Variants in MEI4 observed in about 807,000 individuals in gnomAD.
MEI4 encodes the protein meiotic double-stranded break formation protein 4.
MEI4 carries 27 observed loss-of-function variants against 31.4 expected under a neutral mutation model. The observed-to-expected ratio is 0.86, with a 90% CI of 0.63 to 1.19. The LOEUF is 1.19. Ranked by LOEUF, MEI4 falls within the 50% of genes most tolerant of loss-of-function variation. The pLI is 0.00. For missense variants in MEI4, 329 were observed against 398.9 expected, an observed-to-expected ratio of 0.82 and a Z score of 1.49; for synonymous variants, 122 against 145.4, an observed-to-expected ratio of 0.84 and a Z score of 1.16.
rs192588433 is a variant in MEI4, at chr6:77,888,167, T to G, written c.901-34922T>G. On this transcript the variant is annotated intron_variant, in intron 4 of 4. Transcript: ENST00000684080. Reference sequence around the variant, plus strand: ...ATGCATCTTTGAAAGGGAAGTGAACTTTTTGTATGCAGCCTATAGTTTGGT... The same window carrying G: ...ATGCATCTTTGAAAGGGAAGTGAACGTTTTGTATGCAGCCTATAGTTTGGT... 5.7e-3 allele frequency among the ~76,000 whole-genome samples: 862 copies of G among 152,296 alleles called. 9 individuals are homozygous for G. Among genetic ancestry groups the G allele is most frequent in the Non-Finnish European group, 0.01 (684 of 68,020 alleles).
intron 3 of MEI4, among the ~76,000 whole-genome samples, chr6:77,796,407 A>C (rs1769075782): frequency 6.6e-6 from 1 of 152,166 alleles, no homozygotes; most frequent in Non-Finnish European, 1.5e-5. Context: ...TCAAATTTGA[A>C]AGGAAGAAGT....
intron 1 of MEI4, among the ~76,000 whole-genome samples, chr6:77,690,142 C>G (rs9443441): frequency 2.0e-5 from 3 of 151,766 alleles, no homozygotes; most frequent in Admixed American, 6.6e-5. Context: ...TGGTTAGAGG[C>G]AGAAATAGCA....
At chr6:77,887,311 G>A (rs1038823701) in intron 4 of MEI4, among the ~76,000 whole-genome samples, 2 of 150,136 alleles carry the variant, frequency 1.3e-5, no homozygotes, top group South Asian at 4.2e-4. Flanking sequence ...TCTTTTTTGA[G>A]ATGGAGTCTC....
intron 3 of MEI4, among the ~76,000 whole-genome samples, chr6:77,804,549 G>A (rs1213861452): frequency 1.3e-5 from 2 of 152,162 alleles, no homozygotes; most frequent in Non-Finnish European, 2.9e-5. Context: ...TTTCGCTCAC[G>A]CTGGGATCTG....
At chr6:77,754,914 C>G (rs1375395940) in intron 2 of MEI4, among the ~76,000 whole-genome samples, 2 of 152,176 alleles carry the variant, frequency 1.3e-5, no homozygotes, top group Non-Finnish European at 2.9e-5. Flanking sequence ...CCAGGCCTCT[C>G]CCTTGACATG....
chr6:77,736,890 C>CT (rs1286823692), intron 2 of MEI4, among the ~76,000 whole-genome samples: 1 of 151,194 alleles, frequency 6.6e-6, no homozygotes, highest in Non-Finnish European at 1.5e-5. Flanking sequence ...AGTTGCTTGC[C>CT]TTTAAGGATG....
At chr6:77,700,580 A>G (rs2127656241) in intron 2 of MEI4, among the ~76,000 whole-genome samples, 1 of 152,290 alleles carries the variant, frequency 6.6e-6, no homozygotes, top group South Asian at 2.1e-4. Context: ...CGGCTCACAT[A>G]CGGTGTGCTG....
intron 4 of MEI4, among the ~76,000 whole-genome samples, chr6:77,866,725 A>G (rs1040014480): frequency 6.6e-6 from 1 of 152,158 alleles, no homozygotes; most frequent in Non-Finnish European, 1.5e-5. Flanking sequence ...GGAAAAAACT[A>G]AAGTTCATAT....
At chr6:77,899,001 G>T (rs998749308) in intron 4 of MEI4, among the ~76,000 whole-genome samples, 1 of 151,966 alleles carries the variant, frequency 6.6e-6, no homozygotes, top group South Asian at 2.1e-4. Context: ...AGTATACTGG[G>T]CTGCACATTG....
chr6:77,813,736 A>C (rs1337199536), intron 3 of MEI4, among the ~76,000 whole-genome samples: 1 of 152,104 alleles, frequency 6.6e-6, no homozygotes, highest in African/African-American at 2.4e-5. Context: ...TTGTCTGATC[A>C]AAACTACATT....
rs535709766 is a variant in MEI4 at position 77,801,039 on chromosome 6, A to G, written c.769-27892A>G. On this transcript the variant is annotated intron_variant, in intron 3 of 4. Transcript: ENST00000684080. Reference sequence around the variant, plus strand: ...GTTAGGGAGGATTCCCTCTTTTTCTATTGATTGGAATAATTTCAGAAGGAA... The same window carrying G: ...GTTAGGGAGGATTCCCTCTTTTTCTGTTGATTGGAATAATTTCAGAAGGAA... Among the ~76,000 whole-genome samples, 11 of 152,186 alleles carry G rather than the reference A, an allele frequency of 7.2e-5. No homozygotes were observed. The East Asian group carries it at 1.2e-3, about 16-fold the overall frequency.
At position 77,665,551 on chromosome 6, in the gene MEI4, C is replaced by T. The variant is rs1039279364; in HGVS notation, c.-15+12459C>T. ...GGTACTTGCCCCTTCCCCAGAAGAG[C>T]GGGATTTGCTGCTAAGGGTGAAGGA... On this transcript the variant is annotated intron_variant, in intron 1 of 4. Transcript: ENST00000684080. Among the ~76,000 whole-genome samples the T allele has an allele frequency of 3.9e-5, 6 of 152,088 alleles. No individual in the cohort carries two copies. In the South Asian group the frequency reaches 8.3e-4, roughly 21 times the overall value.
intron 4 of MEI4, among the ~76,000 whole-genome samples, chr6:77,907,428 G>C (rs368938129): frequency 1.3e-5 from 2 of 152,084 alleles, no homozygotes; most frequent in Non-Finnish European, 2.9e-5. Context: ...GAGAATGATG[G>C]TTTCCAGCTT....
chr6:77,841,333 A>ATATATATATTTTTTTTTTTT, intron 4 of MEI4, among the ~76,000 whole-genome samples: 1 of 27,736 alleles, frequency 3.6e-5, no homozygotes, highest in African/African-American at 3.3e-4. Flanking sequence ...ATATATATAT[A>ATATATATATTTTTTTTTTTT]TTTTTTTTTT....
intron 2 of MEI4, among the ~76,000 whole-genome samples, chr6:77,699,170 T>A (rs569159193): frequency 6.7e-6 from 1 of 150,004 alleles, no homozygotes; most frequent in Admixed American, 6.7e-5. Flanking sequence ...TCCATTCGTC[T>A]AATTTTTTTT....
intron 4 of MEI4, among the ~76,000 whole-genome samples, chr6:77,921,551 A>G (rs1342048445): frequency 6.6e-6 from 1 of 151,862 alleles, no homozygotes; most frequent in Admixed American, 6.6e-5. Flanking sequence ...CTTTGAATTT[A>G]CAACTTGGTT....
At chr6:77,650,310 TCTC>T (rs929750879), upstream of MEI4, among the ~76,000 whole-genome samples, 1 of 152,150 alleles carries the variant, frequency 6.6e-6, no homozygotes, top group Admixed American at 6.5e-5. Context: ...GGAGCACTCG[TCTC>T]CTCCTCGGAA....
chr6:77,833,438 T>C (rs867328245), intron 4 of MEI4, among the ~76,000 whole-genome samples: 1 of 152,208 alleles, frequency 6.6e-6, no homozygotes, highest in African/African-American at 2.4e-5. Context: ...CTAGATAGTA[T>C]GTGATTTTCA....
intron 1 of MEI4, among the ~76,000 whole-genome samples, chr6:77,653,581 A>G (rs1164385243): frequency 6.6e-6 from 1 of 152,166 alleles, no homozygotes; most frequent in Non-Finnish European, 1.5e-5. Flanking sequence ...AATCAATTTT[A>G]TTGTTCAATT....
Sources: gnomAD v4.1 joint callset for allele counts (sites outside exome capture counted in the v4.1 genomes callset) on GRCh38, gnomAD v4.1.1 for gene constraint, MANE v1.5 for transcripts, NCBI Gene and HGNC (gene_info 2026-07-23, HGNC 2026-07-21) for gene names.